MARCHF1: variants seen among roughly 807,000 people sequenced by gnomAD.
MARCHF1 encodes the protein membrane associated ring-CH-type finger 1.
MARCHF1 carries 40 observed loss-of-function variants against 54.2 expected under a neutral mutation model. The observed-to-expected ratio is 0.74, with a 90% CI of 0.57 to 0.96. MARCHF1 has a LOEUF of 0.96. MARCHF1 is among the 40% of genes least tolerant of loss of function. MARCHF1 has a pLI of 0.00. For synonymous variants in MARCHF1, 236 were observed against 236.3 expected (o/e 1.00, Z 0.01); for missense variants, 586 against 656.5 (o/e 0.89, Z 1.17).
At chr4:164,257,857 T>C (rs1332034880) in intron 1 of MARCHF1, among the ~76,000 whole-genome samples, 2 of 152,122 alleles carry the variant, frequency 1.3e-5, no homozygotes, top group Non-Finnish European at 2.9e-5. Context: ...TAGTCCCAGC[T>C]ACTCTGGGGG....
At chr4:164,306,824 T>C (rs1294538191) in intron 1 of MARCHF1, among the ~76,000 whole-genome samples, 1 of 152,146 alleles carries the variant, frequency 6.6e-6, no homozygotes, top group Non-Finnish European at 1.5e-5. Context: ...TAGCCTCTTA[T>C]ACAAAAGATA....
intron 1 of MARCHF1, among the ~76,000 whole-genome samples, chr4:164,309,675 G>C (rs1734795339): frequency 6.6e-6 from 1 of 152,056 alleles, no homozygotes; most frequent in Non-Finnish European, 1.5e-5. Flanking sequence ...GTTTATCACA[G>C]TTCAAGAACA....
intron 1 of MARCHF1, among the ~76,000 whole-genome samples, chr4:164,261,758 T>C (rs1579670390): frequency 2.0e-5 from 3 of 152,278 alleles, no homozygotes; most frequent in Middle Eastern, 3.4e-3. Context: ...CTTTACACAC[T>C]GTATTTTATT....
intron 1 of MARCHF1, among the ~76,000 whole-genome samples, chr4:164,256,744 C>T (rs1358061851): frequency 6.6e-6 from 1 of 151,990 alleles, no homozygotes; most frequent in Non-Finnish European, 1.5e-5. Context: ...ATGACTAGAC[C>T]AACTGCTATA....
chr4:164,168,650 C>T (rs889216829), intron 1 of MARCHF1, among the ~76,000 whole-genome samples: 10 of 148,070 alleles, frequency 6.8e-5, no homozygotes, highest in Non-Finnish European at 1.0e-4. Flanking sequence ...CATGATCTCA[C>T]TTTTATGTGG....
intron 1 of MARCHF1, among the ~76,000 whole-genome samples, chr4:164,119,143 A>G (rs1756009838): frequency 6.6e-6 from 1 of 151,566 alleles, no homozygotes; most frequent in Admixed American, 6.6e-5. Flanking sequence ...AATATCCTAA[A>G]GTATGAATGA....
intron 2 of MARCHF1, among the ~76,000 whole-genome samples, chr4:164,071,387 A>G (rs1016180989): frequency 6.6e-6 from 1 of 152,084 alleles, no homozygotes; most frequent in Non-Finnish European, 1.5e-5. Context: ...TTTCACCAAA[A>G]TTAAGTGGAA....
At chr4:164,240,557 G>C (rs1382278648) in intron 1 of MARCHF1, among the ~76,000 whole-genome samples, 2 of 151,802 alleles carry the variant, frequency 1.3e-5, no homozygotes, top group African/African-American at 2.4e-5. Flanking sequence ...TCCTCTGCTT[G>C]TCCCTTAAGT....
intron 4 of MARCHF1, among the ~76,000 whole-genome samples, chr4:163,772,291 C>T (rs1026913414): frequency 6.6e-6 from 1 of 152,114 alleles, no homozygotes; most frequent in Non-Finnish European, 1.5e-5. Context: ...GAAAAGATTC[C>T]TTAGAAAAGA....
At chr4:163,563,757 A>G (rs1330462518) in intron 8 of MARCHF1, among the ~76,000 whole-genome samples, 1 of 152,246 alleles carries the variant, frequency 6.6e-6, no homozygotes, top group Non-Finnish European at 1.5e-5. Flanking sequence ...AACAATGCAC[A>G]TACCACAATG....
intron 2 of MARCHF1, among the ~76,000 whole-genome samples, chr4:164,059,365 G>T (rs939296335): frequency 7.9e-5 from 12 of 152,008 alleles, no homozygotes; most frequent in African/African-American, 2.4e-4. Context: ...TATGCAATTC[G>T]GTAGAATGCT....
intron 1 of MARCHF1, among the ~76,000 whole-genome samples, chr4:164,140,623 C>G (rs1400905937): frequency 6.6e-6 from 1 of 152,154 alleles, no homozygotes; most frequent in Non-Finnish European, 1.5e-5. Flanking sequence ...TCAGACTGAT[C>G]TGCCAGCTCC....
At chr4:164,213,580 C>A (rs1731841786) in intron 1 of MARCHF1, among the ~76,000 whole-genome samples, 1 of 151,874 alleles carries the variant, frequency 6.6e-6, no homozygotes, top group African/African-American at 2.4e-5. Context: ...TGACTACAGA[C>A]AACAAAACAG....
intron 1 of MARCHF1, among the ~76,000 whole-genome samples, chr4:164,208,162 G>A (rs1369538161): frequency 2.0e-5 from 3 of 152,150 alleles, no homozygotes; most frequent in African/African-American, 7.2e-5. Context: ...CAAAATAAAG[G>A]AAGCTTGAGA....
intron 1 of MARCHF1, among the ~76,000 whole-genome samples, chr4:164,247,925 T>G (rs1262006478): frequency 4.0e-5 from 6 of 151,174 alleles, no homozygotes; most frequent in Admixed American, 2.7e-4. Flanking sequence ...TTGCATTGCT[T>G]AAGAGCTTGG....
chr4:163,687,792 T>C (rs930329853), intron 5 of MARCHF1, among the ~76,000 whole-genome samples: 1 of 152,208 alleles, frequency 6.6e-6, no homozygotes, highest in Admixed American at 6.5e-5. Flanking sequence ...ACAATGCACA[T>C]GGTTATTGAA....
chr4:164,080,796 T>C (rs1449678211), intron 2 of MARCHF1, among the ~76,000 whole-genome samples: 1 of 152,076 alleles, frequency 6.6e-6, no homozygotes, highest in East Asian at 1.9e-4. Flanking sequence ...GATGATTATA[T>C]ATAAAATTCT....
chr4:163,779,541 C>T lies in MARCHF1; in HGVS notation c.111+74480G>A, dbSNP rs549721062. ...TTCCATAAATACTTGACAAAAAGGACAAGCCTAAATCTGAGGTAGCTTGGC... is the reference window on the plus strand; with the variant it reads ...TTCCATAAATACTTGACAAAAAGGATAAGCCTAAATCTGAGGTAGCTTGGC... On this transcript the variant is annotated intron_variant, in intron 4 of 9. Coordinates refer to ENST00000514618, the MANE Select transcript of MARCHF1 (RefSeq NM_001394959.1). Among the ~76,000 whole-genome samples, 25 of 152,044 alleles carry T rather than the reference C, an allele frequency of 1.6e-4. 1 individual carries two copies. The South Asian group carries it at 5.0e-3, about 30-fold the overall frequency.
chr4:164,055,897 T>G (rs1466559005), intron 2 of MARCHF1, among the ~76,000 whole-genome samples: 2 of 152,218 alleles, frequency 1.3e-5, no homozygotes, highest in African/African-American at 4.8e-5. Context: ...ATCAATTTAT[T>G]CTTCTTTAGT....
Sources: allele counts gnomAD v4.1 joint callset (sites outside exome capture counted in the v4.1 genomes callset), GRCh38; gene constraint gnomAD v4.1.1; transcripts MANE v1.5; gene names NCBI Gene and HGNC (gene_info 2026-07-23, HGNC 2026-07-21).